The following ZNF484 variants were observed in gnomAD, a reference collection of about 807,000 sequenced individuals.
ZNF484 encodes the protein zinc finger protein 484.
ZNF484 carries 11 observed loss-of-function variants against 12.9 expected under a neutral mutation model. The observed-to-expected ratio is 0.85, with a 90% CI of 0.54 to 1.41. ZNF484 has a LOEUF of 1.41. ZNF484 is among the 40% of genes most tolerant of loss of function. The pLI, the probability that ZNF484 is intolerant of heterozygous loss-of-function variation, is 0.00. For missense variants in ZNF484, 807 were observed against 1,007.7 expected (o/e 0.80, Z 2.70); for synonymous variants, 289 against 334.1 (o/e 0.86, Z 1.47).
chr9:92,853,524 C>G (rs1856236771), intron 4 of ZNF484, among the ~76,000 whole-genome samples: 1 of 152,202 alleles, frequency 6.6e-6, no homozygotes, highest in Non-Finnish European at 1.5e-5. Flanking sequence ...AAGTTGTTCC[C>G]ATGAGCCAAT....
chr9:92,854,589 C>T (rs1302531906), intron 4 of ZNF484, among the ~76,000 whole-genome samples: 2 of 151,964 alleles, frequency 1.3e-5, no homozygotes, highest in Non-Finnish European at 2.9e-5. Flanking sequence ...CAGTGGCGGG[C>T]GCCTGTAGTC....
intron 2 of ZNF484, among the ~76,000 whole-genome samples, chr9:92,864,170 A>G (rs759545960): frequency 8.5e-5 from 13 of 152,222 alleles, no homozygotes; most frequent in Non-Finnish European, 1.6e-4. Context: ...ATAACAGAAC[A>G]TGAATTCTTA....
intron 4 of ZNF484, among the ~76,000 whole-genome samples, chr9:92,853,618 C>G (rs1194843172): frequency 6.6e-6 from 1 of 152,182 alleles, no homozygotes. Flanking sequence ...ACCTGGGCAA[C>G]TTTAAGGAGG....
Position 92,877,868 on chromosome 9 carries a change from A to C in ZNF484, c.-31+22T>G, listed in dbSNP as rs371878103. On this transcript the variant is annotated intron_variant, in intron 1 of 4. Coordinates refer to ENST00000375495, the MANE Select transcript of ZNF484 (RefSeq NM_031486.4). ...GAGATTCTTCTTGCTCAGTCCACAG[A>C]TGCTGCCATCCCTCTACTCACCTGC... The C allele has an allele frequency of 6.4e-5, 98 of 1,535,620 alleles. No individual in the cohort carries two copies. The South Asian group carries it at 1.1e-3, about 18-fold the overall frequency.
chr9:92,877,772 T>C (rs1382148773), intron 1 of ZNF484, 118 bp downstream of exon 1: 2 of 1,535,160 alleles, frequency 1.3e-6, no homozygotes, highest in Non-Finnish European at 1.7e-6. Flanking sequence ...CCATCAGAGA[T>C]CGCTCCGACT....
rs149775174 is a variant in ZNF484, at chr9:92,850,463, C to T, written c.236-1912G>A. On this transcript the variant is annotated intron_variant, in intron 4 of 4. Transcript: ENST00000375495. ...TGTATTTATGTTTACAGTAAAATTA[C>T]GATATCTTAGTCATCCTAACTTGGC... Among the ~76,000 whole-genome samples, 343 of 152,274 alleles carry T rather than the reference C, an allele frequency of 2.3e-3. 1 individual carries two copies. The highest frequency in any genetic ancestry group is 3.3e-3 in the Non-Finnish European group (227 of 68,022).
Position 92,847,874 on chromosome 9 carries a change from A to G in ZNF484, c.913T>C (p.Cys305Arg), listed in dbSNP as rs750303462. ...DGSQRVYAGI[C>R]TEYEKDFSLK... Reference sequence around the variant, plus strand: ...GAAAAATCCTTCTCATATTCAGTGCATATTCCTGCATAAACCCTCTGACTG... The same window carrying G: ...GAAAAATCCTTCTCATATTCAGTGCGTATTCCTGCATAAACCCTCTGACTG... The change falls in exon 5 of 5, where the codon TGC (cysteine) becomes CGC (arginine). Residue 305 changes from cysteine to arginine, a missense_variant. Coordinates refer to ENST00000375495, the MANE Select transcript of ZNF484 (RefSeq NM_031486.4). 2 of 1,614,216 alleles carry G rather than the reference A, an allele frequency of 1.2e-6. No homozygotes were observed. The highest frequency in any genetic ancestry group is 2.2e-5 in the South Asian group (2 of 91,082).
chr9:92,872,839 C>T (rs1165827151), intron 2 of ZNF484, among the ~76,000 whole-genome samples: 1 of 151,348 alleles, frequency 6.6e-6, no homozygotes, highest in African/African-American at 2.4e-5. Context: ...AGAAAATTAA[C>T]ATGCAGTTTT....
intron 1 of ZNF484, among the ~76,000 whole-genome samples, chr9:92,877,629 C>G (rs374172694): frequency 2.6e-5 from 4 of 152,092 alleles, no homozygotes; most frequent in African/African-American, 9.7e-5. Context: ...CATCCTCCCC[C>G]ACAACCCCAC....
chr9:92,867,199 C>A (rs1038783878), intron 2 of ZNF484, among the ~76,000 whole-genome samples: 1 of 152,102 alleles, frequency 6.6e-6, no homozygotes, highest in African/African-American at 2.4e-5. Context: ...ACAAAATTAG[C>A]CGGGCACAGT....
At position 92,846,572 on chromosome 9, in the gene ZNF484, T is replaced by C; in HGVS notation, c.2215A>G (p.Arg739Gly). ...FIQKSHLNRH[R>G]RIHTGEKPYE... ...GGTTTCTCTCCAGTATGAATTCTCC[T>C]GTGTCTATTTAAGTGTGACTTCTGG... is the stretch of plus-strand genomic sequence containing the variant. The change falls in exon 5 of 5, where the codon AGG (arginine) becomes GGG (glycine). Residue 739 changes from arginine (R) to glycine (G), a missense_variant. Transcript: ENST00000375495. The C allele has an allele frequency of 6.2e-7, 1 of 1,612,308 alleles. No homozygotes were observed. Among genetic ancestry groups the C allele is most frequent in the Non-Finnish European group, 8.5e-7 (1 of 1,179,440 alleles).
At chr9:92,852,894 T>C (rs1488645312) in intron 4 of ZNF484, among the ~76,000 whole-genome samples, 1 of 152,100 alleles carries the variant, frequency 6.6e-6, no homozygotes, top group Non-Finnish European at 1.5e-5. Context: ...AAGGGCTCGA[T>C]GAAAAGGGAG....
At chr9:92,853,225 A>G (rs1012027759) in intron 4 of ZNF484, among the ~76,000 whole-genome samples, 5 of 152,252 alleles carry the variant, frequency 3.3e-5, no homozygotes, top group Non-Finnish European at 5.9e-5. Context: ...GTTGTAGGTG[A>G]TATGACTGGG....
At chr9:92,854,678 C>T (rs1329181381) in intron 4 of ZNF484, among the ~76,000 whole-genome samples, 1 of 152,140 alleles carries the variant, frequency 6.6e-6, no homozygotes, top group Non-Finnish European at 1.5e-5. Flanking sequence ...GATCATGCCA[C>T]TGCACTCCAG....
At chr9:92,853,645 C>T (rs1587736489) in intron 4 of ZNF484, among the ~76,000 whole-genome samples, 1 of 152,336 alleles carries the variant, frequency 6.6e-6, no homozygotes. Context: ...AGCCCTTACA[C>T]CTGCCTCTAA....
intron 2 of ZNF484, 106 bp from the exon 3 acceptor site, chr9:92,856,424 C>T (rs922046461): frequency 4.4e-5 from 37 of 832,298 alleles, no homozygotes; most frequent in Non-Finnish European, 5.7e-5. Context: ...AGAATGGAAA[C>T]AAGATAGGAC....
chr9:92,867,413 C>T (rs977421023), intron 2 of ZNF484, among the ~76,000 whole-genome samples: 7 of 152,114 alleles, frequency 4.6e-5, no homozygotes, highest in African/African-American at 7.2e-5. Flanking sequence ...ACCCGGGAGG[C>T]GGAGGTTGTG....
intron 2 of ZNF484, among the ~76,000 whole-genome samples, chr9:92,860,117 T>G (rs912496681): frequency 2.0e-5 from 3 of 152,158 alleles, no homozygotes; most frequent in Non-Finnish European, 2.9e-5. Context: ...TACCCCACTA[T>G]AAACCACATG....
In ZNF484 at chr9:92,846,024, T is replaced by G; in HGVS notation, c.*204A>C. 1.7e-6 allele frequency: 1 copy of G among 581,742 alleles called. No homozygotes were observed. Among genetic ancestry groups the G allele is most frequent in the South Asian group, 2.4e-5 (1 of 41,782 alleles). The allele number at this position is 581,742 out of a possible 1,614,324, so 36.0% of individuals were successfully genotyped here. A position where few individuals can be genotyped will look rare whatever the true frequency, so the allele number is the denominator to read the frequency against. ...CATGAAAAACTCAACAGCCATGAAT[T>G]TATAAAACTGTTTGCCCAAAAAGTG... On this transcript the variant is annotated 3_prime_UTR_variant, in exon 5 of 5. Transcript: ENST00000375495.
Sources: allele counts gnomAD v4.1 joint callset (sites outside exome capture counted in the v4.1 genomes callset), GRCh38; gene constraint gnomAD v4.1.1; transcripts MANE v1.5; gene names NCBI Gene and HGNC (gene_info 2026-07-23, HGNC 2026-07-21).